The following FRMPD4 variants were observed in gnomAD, a reference collection of about 807,000 sequenced individuals.
The protein encoded by FRMPD4 is FERM and PDZ domain containing 4, also known as FERM and PDZ domain-containing protein 4.
A neutral mutation model predicts 94.1 loss-of-function variants in FRMPD4; 22 were observed. That is an observed-to-expected ratio of 0.23 (90% confidence interval 0.17 to 0.33). The LOEUF (loss-of-function observed/expected upper bound fraction) is 0.33, where lower values mean the gene tolerates loss of function less well. Ranked by LOEUF, FRMPD4 falls within the 10% of genes least tolerant of loss-of-function variation. The pLI is 1.00. For missense variants in FRMPD4, 1,111 were observed against 1,339.9 expected, an observed-to-expected ratio of 0.83 and a Z score of 2.67; for synonymous variants, 631 against 548.6, an observed-to-expected ratio of 1.15 and a Z score of -2.10.
chrX:12,476,219 C>T (rs922171770), intron 1 of FRMPD4, among the ~76,000 whole-genome samples: 1 of 111,927 alleles, frequency 8.9e-6, no homozygotes, highest in East Asian at 2.8e-4. Flanking sequence ...GGGGAAAGGA[C>T]TGCCTATTTA....
At chrX:12,008,850 CT>C (rs1205031674) in intron 3 of FRMPD4, among the ~76,000 whole-genome samples, 1 of 111,265 alleles carries the variant, frequency 9.0e-6, no homozygotes, top group Non-Finnish European at 1.9e-5. Flanking sequence ...TTAATTTTTG[CT>C]TTTTTTTAAA....
chrX:11,851,730 C>T (rs2053623180), intron 1 of FRMPD4, among the ~76,000 whole-genome samples: 2 of 111,197 alleles, frequency 1.8e-5, no homozygotes. Context: ...TCAAAAAAAG[C>T]AGCCTACATT....
At chrX:12,517,064 A>G (rs1312675978) in intron 2 of FRMPD4, among the ~76,000 whole-genome samples, 1 of 109,965 alleles carries the variant, frequency 9.1e-6, no homozygotes, top group Non-Finnish European at 1.9e-5. Context: ...CAGGTCATTC[A>G]TGTTCCTCTC....
At chrX:12,260,567 G>A (rs967019717) in intron 1 of FRMPD4, among the ~76,000 whole-genome samples, 1 of 111,174 alleles carries the variant, frequency 9.0e-6, no homozygotes, top group Non-Finnish European at 1.9e-5. Context: ...TATTAATTTT[G>A]CATCCTTCAC....
intron 1 of FRMPD4, among the ~76,000 whole-genome samples, chrX:12,247,342 C>T (rs1459036990): frequency 1.8e-5 from 2 of 111,211 alleles, no homozygotes; most frequent in Non-Finnish European, 1.9e-5. Flanking sequence ...GGGTGCTCCA[C>T]GTTATTGTCT....
intron 1 of FRMPD4, among the ~76,000 whole-genome samples, chrX:12,372,130 A>G (rs2056171345): frequency 8.9e-6 from 1 of 112,222 alleles, no homozygotes; most frequent in Admixed American, 9.4e-5. Context: ...CCCACTCATC[A>G]TCTCCTGTGC....
chrX:12,090,562 C>T (rs1480890418), intron 3 of FRMPD4, among the ~76,000 whole-genome samples: 8 of 110,407 alleles, frequency 7.2e-5, no homozygotes, highest in South Asian at 3.8e-4. Context: ...CACTTTTTTC[C>T]GATACAGTGA....
intron 1 of FRMPD4, among the ~76,000 whole-genome samples, chrX:12,408,228 A>G (rs2056690094): frequency 9.4e-6 from 1 of 105,861 alleles, no homozygotes. Context: ...GTTTGACCTA[A>G]GGGTAGGACT....
chrX:12,224,364 T>A (rs1239455287), intron 1 of FRMPD4, among the ~76,000 whole-genome samples: 1 of 110,419 alleles, frequency 9.1e-6, no homozygotes, highest in Non-Finnish European at 1.9e-5. Flanking sequence ...ATCCTCCCAC[T>A]TGAGCCTCCT....
chrX:12,476,195 C>G (rs765491276), intron 1 of FRMPD4, among the ~76,000 whole-genome samples: 4 of 111,668 alleles, frequency 3.6e-5, no homozygotes, highest in East Asian at 2.8e-4. Flanking sequence ...ACAAACCTGA[C>G]AAAAACAAGC....
At chrX:12,279,228 G>GT (rs1343532052) in intron 1 of FRMPD4, among the ~76,000 whole-genome samples, 1 of 112,205 alleles carries the variant, frequency 8.9e-6, no homozygotes, top group Non-Finnish European at 1.9e-5. Flanking sequence ...TGCACCCACC[G>GT]TAACATTCAG....
At chrX:11,946,073 CA>C (rs1026708126) in intron 3 of FRMPD4, among the ~76,000 whole-genome samples, 17 of 111,776 alleles carry the variant, frequency 1.5e-4, no homozygotes, top group Non-Finnish European at 2.6e-4. Context: ...CACATGTCCA[CA>C]ATCTTTTATC....
rs141350973 is a variant in FRMPD4, at chrX:12,412,725, T to C, written c.42-85955T>C. Reference sequence around the variant, plus strand: ...TGGTTCCTGGGAGAGGAATTTGTGTTTGTGGTTGGTGGTGGTTTGCACTTC... The same window carrying C: ...TGGTTCCTGGGAGAGGAATTTGTGTCTGTGGTTGGTGGTGGTTTGCACTTC... On this transcript the variant is annotated intron_variant, in intron 1 of 16. Transcript: ENST00000675598. Among the ~76,000 whole-genome samples, 524 of 112,023 alleles carry C rather than the reference T, an allele frequency of 4.7e-3. 1 individual carries two copies. The highest frequency in any genetic ancestry group is 0.016 in the African/African-American group (480 of 30,847).
intron 4 of FRMPD4, among the ~76,000 whole-genome samples, chrX:12,654,595 G>C: frequency 8.9e-6 from 1 of 112,010 alleles, no homozygotes; most frequent in East Asian, 2.8e-4. Flanking sequence ...ATAATAGAGA[G>C]TCATGAGATG....
chrX:12,608,040 G>T (rs1415545335), intron 2 of FRMPD4, among the ~76,000 whole-genome samples: 1 of 112,592 alleles, frequency 8.9e-6, no homozygotes, highest in Non-Finnish European at 1.9e-5. Flanking sequence ...ATTTTTAAAT[G>T]ATCTTCTTTT....
intron 4 of FRMPD4, among the ~76,000 whole-genome samples, chrX:12,660,588 A>G (rs2059703772): frequency 8.9e-6 from 1 of 112,686 alleles, no homozygotes; most frequent in African/African-American, 3.2e-5. Flanking sequence ...GACATGTTGA[A>G]TTTCAAAACT....
intron 1 of FRMPD4, among the ~76,000 whole-genome samples, chrX:11,829,032 C>CAGG (rs2053460285): frequency 8.9e-6 from 1 of 112,253 alleles, no homozygotes; most frequent in Non-Finnish European, 1.9e-5. Context: ...GGCAGCCAGG[C>CAGG]AGGAGTTCTG....
At chrX:12,351,265 T>C (rs2055806862) in intron 1 of FRMPD4, among the ~76,000 whole-genome samples, 1 of 111,029 alleles carries the variant, frequency 9.0e-6, no homozygotes, top group Non-Finnish European at 1.9e-5. Context: ...CTTGCTGCTA[T>C]TTTGAAAGCC....
intron 2 of FRMPD4, among the ~76,000 whole-genome samples, chrX:12,512,453 G>A (rs1461872950): frequency 1.8e-5 from 2 of 112,374 alleles, no homozygotes; most frequent in African/African-American, 6.5e-5. Flanking sequence ...GCTCCTGCTG[G>A]TAAGTGAGAA....
Sources: gnomAD v4.1 joint callset for allele counts (sites outside exome capture counted in the v4.1 genomes callset) on GRCh38, gnomAD v4.1.1 for gene constraint, MANE v1.5 for transcripts, NCBI Gene and HGNC (gene_info 2026-07-23, HGNC 2026-07-21) for gene names.